NYNRIN: variants seen among roughly 807,000 people sequenced by gnomAD.
NYNRIN encodes NYN domain and retroviral integrase containing.
Under a neutral mutation model 146.6 loss-of-function variants are expected in NYNRIN, and 86 were observed. That is an observed-to-expected ratio of 0.59 (90% CI 0.49 to 0.70). NYNRIN has a LOEUF of 0.70. NYNRIN is among the 30% of genes least tolerant of loss of function. The pLI is 0.00. For synonymous variants in NYNRIN, 1,027 were observed against 1,001.3 expected (o/e 1.03, Z -0.48); for missense variants, 2,191 against 2,377.7 (o/e 0.92, Z 1.63).
chr14:24,414,205 C>T (rs2042929748), intron 8 of NYNRIN, among the ~76,000 whole-genome samples: 1 of 152,244 alleles, frequency 6.6e-6, no homozygotes, highest in African/African-American at 2.4e-5. Flanking sequence ...TCTGCTGTGT[C>T]CTCACAAGCT....
intron 7 of NYNRIN, 56 bp from the exon 8 acceptor site, chr14:24,413,260 G>A (rs2042923507): frequency 4.6e-6 from 7 of 1,526,896 alleles, no homozygotes; most frequent in South Asian, 3.5e-5. Context: ...GCGACAACAG[G>A]GTGTGGGTGG....
Position 24,411,126 on chromosome 14 carries a change from A to G in NYNRIN, c.2465A>G (p.Gln822Arg). The G allele has an allele frequency of 6.2e-7, 1 of 1,612,320 alleles. No homozygotes were observed. Among genetic ancestry groups the G allele is most frequent in the Non-Finnish European group, 8.5e-7 (1 of 1,179,368 alleles). ...FSCRGIAMAV[Q>R]FFWNRGHREV... ...TGCCGAGGAATTGCCATGGCAGTGC[A>G]GTTTTTCTGGAACCGGGGACACCGA... The change falls in exon 5 of 9, where the codon CAG (glutamine) becomes CGG (arginine). Residue 822 changes from glutamine to arginine, a missense_variant. Gln to Arg is a conservative substitution (Grantham distance 43, BLOSUM62 1). Coordinates refer to ENST00000382554, the MANE Select transcript of NYNRIN (RefSeq NM_025081.3). The surrounding 1 kb of genome is among the most constrained non-coding windows in gnomAD (Gnocchi z 4.3).
chr14:24,400,503 G>A (rs958975233), intron 2 of NYNRIN, among the ~76,000 whole-genome samples: 9 of 152,142 alleles, frequency 5.9e-5, no homozygotes, highest in African/African-American at 9.7e-5. Flanking sequence ...CCCAGAACTC[G>A]GCCAGCCAGC....
rs1229121004 is a variant in NYNRIN at position 24,415,033 on chromosome 14, CCTT to C, written c.3289_3291del (p.Phe1097del). 4.3e-6 allele frequency: 7 copies of C among 1,611,626 alleles called. No individual in the cohort carries two copies. The highest frequency in any genetic ancestry group is 1.1e-5 in the South Asian group (1 of 90,982). Reference sequence around the variant, plus strand: ...ATCCCCAGCAACTTCACCGCACTCTCCTTCTTCATGGGCTTCATGGACTCCCAC... The same window carrying C: ...ATCCCCAGCAACTTCACCGCACTCTCCTTCATGGGCTTCATGGACTCCCAC... On this transcript the variant is annotated inframe_deletion, in exon 9 of 9. Coordinates refer to ENST00000382554, the MANE Select transcript of NYNRIN (RefSeq NM_025081.3).
In NYNRIN at chr14:24,409,638, C is replaced by G; in HGVS notation, c.1844C>G (p.Ala615Gly). 2 of 1,607,322 alleles carry G rather than the reference C, an allele frequency of 1.2e-6. No homozygotes were observed. Among genetic ancestry groups the G allele is most frequent in the Non-Finnish European group, 1.7e-6 (2 of 1,176,844 alleles). ...KTVVNQPVLVAQVEPTTPKTP... is the reference protein window; with the variant it reads ...KTVVNQPVLVGQVEPTTPKTP... ...GTTGTGAATCAACCAGTGTTGGTAG[C>G]TCAAGTGGAACCCACAACTCCAAAA... Residue 615 changes from alanine (A) to glycine (G), a missense_variant, in exon 4 of 9, where the codon GCT becomes GGT. Physicochemically the swap from Ala to Gly is moderately conservative, Grantham distance 60. This residue lies in a region of NYNRIN where 895 missense variants were observed against 941.2 expected (regional missense o/e 0.95). Transcript: ENST00000382554.
rs1271364704 is a variant in NYNRIN, at chr14:24,399,292, G to A, written c.46G>A (p.Val16Met). The A allele has an allele frequency of 6.2e-7, 1 of 1,613,976 alleles. No individual in the cohort carries two copies. The highest frequency in any genetic ancestry group is 1.1e-5 in the South Asian group (1 of 91,080). ...TCCTCCGGCGCAGGAATGGTTCATGGTGCAGACAAAATCGAAGCCTCGGGT... is the reference window on the plus strand; with the variant it reads ...TCCTCCGGCGCAGGAATGGTTCATGATGCAGACAAAATCGAAGCCTCGGGT... Reference protein sequence around the residue: ...GDPPAQEWFMVQTKSKPRVQR... With the variant: ...GDPPAQEWFMMQTKSKPRVQR... The change falls in exon 2 of 9, where the codon GTG becomes ATG. Residue 16 changes from valine to methionine, a missense_variant. Val to Met is a conservative substitution (Grantham distance 21). This residue lies in a region of NYNRIN where 895 missense variants were observed against 941.2 expected (regional missense o/e 0.95). Coordinates refer to ENST00000382554, the MANE Select transcript of NYNRIN (RefSeq NM_025081.3).
At position 24,413,427 on chromosome 14, in the gene NYNRIN, C is replaced by G; in HGVS notation, c.2846+10C>G. On this transcript the variant is annotated intron_variant, in intron 8 of 8. Transcript: ENST00000382554. ...TGAAGAAGCCAAACAGGTAATAGGTCAGACCTCCCCAGCCTCCCAGGCCCT... is the reference window on the plus strand; with the variant it reads ...TGAAGAAGCCAAACAGGTAATAGGTGAGACCTCCCCAGCCTCCCAGGCCCT... 6.3e-7 allele frequency: 1 copy of G among 1,579,412 alleles called. No individual in the cohort carries two copies. The highest frequency in any genetic ancestry group is 8.6e-7 in the Non-Finnish European group (1 of 1,159,908).
chr14:24,402,875 G>C (rs1311531402), intron 2 of NYNRIN, among the ~76,000 whole-genome samples: 1 of 152,166 alleles, frequency 6.6e-6, no homozygotes, highest in Non-Finnish European at 1.5e-5. Flanking sequence ...AGAGCACACA[G>C]AGGTTCCCTG....
rs189237524 is a variant in NYNRIN at position 24,416,655 on chromosome 14, C to A, written c.4906C>A (p.Leu1636Ile). The change falls in exon 9 of 9, where the codon CTT becomes ATT. Residue 1636 changes from leucine (L) to isoleucine (I), a missense_variant. Leu to Ile is a conservative substitution (Grantham distance 5). Transcript: ENST00000382554. ...AAGTGAGGAGGGCCATAAGCATGTA[C>A]TTATTGTGGCTGACCCAAACACCAG... is the stretch of plus-strand genomic sequence containing the variant. The part of the protein sequence containing the change: ...TISEEGHKHV[L>I]IVADPNTRWV... 656 of 1,613,944 alleles carry A rather than the reference C, an allele frequency of 4.1e-4. No individual in the cohort carries two copies. The highest frequency in any genetic ancestry group is 5.2e-4 in the Non-Finnish European group (609 of 1,179,878).
chr14:24,409,290 G>C lies in NYNRIN; in HGVS notation c.1496G>C (p.Gly499Ala). The change falls in exon 4 of 9, where the codon GGG (glycine) becomes GCG (alanine). Residue 499 changes from glycine (G) to alanine (A), a missense_variant. Transcript: ENST00000382554. ...GCTGGAGGTGAGCCGGGGGATCAAG[G>C]GAGTATGCAGTTAGATTTTAAGGGA... ...LQAGGEPGDQGSMQLDFKGLE... is the reference protein window; with the variant it reads ...LQAGGEPGDQASMQLDFKGLE... 1 of 1,614,032 alleles carries C rather than the reference G, an allele frequency of 6.2e-7. No homozygotes were observed.
Position 24,408,756 on chromosome 14 carries a change from A to C in NYNRIN, c.962A>C (p.Lys321Thr), listed in dbSNP as rs1263114959. 1 of 1,613,976 alleles carries C rather than the reference A, an allele frequency of 6.2e-7. No homozygotes were observed. The highest frequency in any genetic ancestry group is 1.1e-5 in the South Asian group (1 of 91,072). ...ACGAACCACACACAAGCCTTGTTGA[A>C]GCAAAGGCAGGTCCAGAAGATAGAA... The part of the protein sequence containing the change: ...DSTNHTQALL[K>T]QRQVQKIEDK... The change falls in exon 4 of 9, where the codon AAG becomes ACG. Residue 321 changes from lysine (K) to threonine (T), a missense_variant. Lys to Thr is a moderately conservative substitution (Grantham distance 78). Transcript: ENST00000382554.
At position 24,408,039 on chromosome 14, in the gene NYNRIN, G is replaced by T; in HGVS notation, c.369G>T (p.Leu123=). The change falls in exon 3 of 9, where the codon CTG becomes CTT. Residue 123 remains leucine (L), a synonymous_variant. Coordinates refer to ENST00000382554, the MANE Select transcript of NYNRIN (RefSeq NM_025081.3). ...CTGGCTCCCTGATGGTGGGCGGGCT[G>T]ACTGAGTCTTTCATCATGACACAGA... ...GPPGSLMVGG[L]TESFIMTQNW... The T allele has an allele frequency of 1.2e-6, 2 of 1,613,994 alleles. No homozygotes were observed. Among genetic ancestry groups the T allele is most frequent in the South Asian group, 2.2e-5 (2 of 91,076 alleles).
intron 4 of NYNRIN, 122 bp from the exon 5 acceptor site, chr14:24,410,954 G>C: frequency 8.4e-7 from 1 of 1,196,992 alleles, no homozygotes; most frequent in South Asian, 1.4e-5. Context: ...TCTGAGTATG[G>C]AGGGAAGGGG....
In NYNRIN at chr14:24,408,187, C is replaced by T; in HGVS notation, c.517C>T (p.Gln173Ter). 1.2e-6 allele frequency: 2 copies of T among 1,600,634 alleles called. No individual in the cohort carries two copies. The highest frequency in any genetic ancestry group is 8.5e-7 in the Non-Finnish European group (1 of 1,176,670). ...FGALVWIRGD[Q>*]HAGDLLQLPP... Reference sequence around the variant, plus strand: ...GGCCCTGGTCTGGATCCGTGGTGACCAGCATGCAGGGGACCTACTGCAGCT... The same window carrying T: ...GGCCCTGGTCTGGATCCGTGGTGACTAGCATGCAGGGGACCTACTGCAGCT... Residue 173 changes from glutamine to a stop codon, truncating the protein, a stop_gained, in exon 3 of 9, where the codon CAG becomes TAG. Transcript: ENST00000382554. LOFTEE classifies it high-confidence loss of function.
At chr14:24,410,285 G>T (rs1421400335) in intron 4 of NYNRIN, 77 bp downstream of exon 4, 3 of 1,257,022 alleles carry the variant, frequency 2.4e-6, no homozygotes, top group Non-Finnish European at 3.3e-6. Context: ...ACAGAATGTG[G>T]GCATCCCTTC....
At position 24,416,498 on chromosome 14, in the gene NYNRIN, C is replaced by G. The variant is rs774630777; in HGVS notation, c.4749C>G (p.Cys1583Trp). 6.8e-6 allele frequency: 11 copies of G among 1,613,632 alleles called. No individual in the cohort carries two copies. The highest frequency in any genetic ancestry group is 6.8e-6 in the Non-Finnish European group (8 of 1,179,776). Residue 1583 changes from cysteine (C) to tryptophan (W), a missense_variant, in exon 9 of 9, where the codon TGC becomes TGG. This residue lies in a region of NYNRIN where 1,291 missense variants were observed against 1,417.0 expected (regional missense o/e 0.91). Coordinates refer to ENST00000382554, the MANE Select transcript of NYNRIN (RefSeq NM_025081.3). ...TGCAGGAGCATGTGAAAGATTACTG[C>G]AGGAGCTGCTTGTTCTGCATCCCCC... Reference protein sequence around the residue: ...PGMQEHVKDYCRSCLFCIPRN... With the variant: ...PGMQEHVKDYWRSCLFCIPRN...
Position 24,408,746 on chromosome 14 carries a change from G to A in NYNRIN, c.952G>A (p.Ala318Thr). The change falls in exon 4 of 9, where the codon GCC (alanine) becomes ACC (threonine). Residue 318 changes from alanine to threonine, a missense_variant. Transcript: ENST00000382554. ...CCAGGACTCCACGAACCACACACAA[G>A]CCTTGTTGAAGCAAAGGCAGGTCCA... is the stretch of plus-strand genomic sequence containing the variant. ...SSQDSTNHTQ[A>T]LLKQRQVQKI... is the part of the protein sequence containing the mutation. The A allele has an allele frequency of 1.2e-6, 2 of 1,613,928 alleles. No individual in the cohort carries two copies. The highest frequency in any genetic ancestry group is 8.5e-7 in the Non-Finnish European group (1 of 1,179,846).
Position 24,415,914 on chromosome 14 carries a change from C to A in NYNRIN, c.4165C>A (p.Leu1389Met). The A allele has an allele frequency of 1.2e-5, 20 of 1,613,996 alleles. No homozygotes were observed. Among genetic ancestry groups the A allele is most frequent in the Non-Finnish European group, 1.7e-5 (20 of 1,179,902 alleles). ...GATCTTCAGCCTCCTGTGGGAGCTC[C>A]TGCCCCTCTGGAGGGCTCGGGGCTT... ...NWIFSLLWEL[L>M]PLWRARGFLS... The change falls in exon 9 of 9, where the codon CTG (leucine) becomes ATG (methionine). Residue 1389 changes from leucine (L) to methionine (M), a missense_variant. This residue lies in a region of NYNRIN where 1,291 missense variants were observed against 1,417.0 expected (regional missense o/e 0.91). Coordinates refer to ENST00000382554, the MANE Select transcript of NYNRIN (RefSeq NM_025081.3).
chr14:24,414,388 T>A (rs1396880850), intron 8 of NYNRIN, among the ~76,000 whole-genome samples: 2 of 152,236 alleles, frequency 1.3e-5, no homozygotes, highest in Non-Finnish European at 2.9e-5. Flanking sequence ...AAGGCACAAA[T>A]GAACCTCTAA....
Sources: allele counts gnomAD v4.1 joint callset (sites outside exome capture counted in the v4.1 genomes callset), GRCh38; gene constraint gnomAD v4.1.1; regional missense constraint gnomAD v4.1.1; non-coding constraint Gnocchi (gnomAD v3.1); transcripts MANE v1.5; gene names NCBI Gene and HGNC (gene_info 2026-07-23, HGNC 2026-07-21).